TULP3: variants seen among roughly 807,000 people sequenced by gnomAD.
TULP3 encodes the protein tubby-related protein 3.
In TULP3, 38 loss-of-function variants were observed where a neutral mutation model predicts 50.7. That is an observed-to-expected ratio of 0.75 (90% CI 0.58 to 0.98). TULP3 has a LOEUF of 0.98. Among genes scored for constraint, TULP3 ranks in the 50% least tolerant of loss-of-function variants. TULP3 has a pLI of 0.00. For missense variants in TULP3, 550 were observed against 568.0 expected (o/e 0.97, Z 0.32); for synonymous variants, 183 against 196.6 (o/e 0.93, Z 0.58).
At chr12:2,891,337 G>A (rs951459373) in intron 1 of TULP3, among the ~76,000 whole-genome samples, 1 of 151,718 alleles carries the variant, frequency 6.6e-6, no homozygotes, top group African/African-American at 2.4e-5. Flanking sequence ...CCCACTGCCC[G>A]GCGGTGTCAC....
Position 2,913,201 on chromosome 12 carries a change from T to TGTGTG in TULP3, c.93+3621_93+3622insGTGTG, listed in dbSNP as rs1565501058. The stretch of plus-strand genomic sequence containing the variant: ...ACCCTAATGACTAATTATGTTGAGT[T>TGTGTG]TGTGTGTGTGTGTGTGTGTGTATGT... On this transcript the variant is annotated intron_variant, in intron 2 of 10. Transcript: ENST00000448120. 1.8e-3 allele frequency among the ~76,000 whole-genome samples: 270 copies of TGTGTG among 146,570 alleles called. 4 individuals are homozygous for TGTGTG. The highest frequency in any genetic ancestry group is 6.4e-3 in the African/African-American group (252 of 39,344).
At position 2,940,623 on chromosome 12, in the gene TULP3, G is replaced by T; in HGVS notation, c.*1179G>T. 2 of 1,551,732 alleles carry T rather than the reference G, an allele frequency of 1.3e-6. No individual in the cohort carries two copies. Among genetic ancestry groups the T allele is most frequent in the Non-Finnish European group, 1.7e-6 (2 of 1,147,004 alleles). On this transcript the variant is annotated 3_prime_UTR_variant, in exon 11 of 11. Coordinates refer to ENST00000448120, the MANE Select transcript of TULP3 (RefSeq NM_003324.5). ...CTTGTGCACAGAACTGTTTGCCAGC[G>T]TTGGGTGGGACACCCGTGGCGGCTG... is the stretch of plus-strand genomic sequence containing the variant.
chr12:2,907,755 G>C (rs10848732), intron 1 of TULP3, among the ~76,000 whole-genome samples: 72,514 of 151,664 alleles, frequency 0.48, 17,806 homozygotes, highest in African/African-American at 0.6. Context: ...TATTAATGAA[G>C]GATTTTTAAA....
chr12:2,916,207 C>T (rs956603061), intron 2 of TULP3, among the ~76,000 whole-genome samples: 7 of 151,468 alleles, frequency 4.6e-5, no homozygotes, highest in African/African-American at 1.7e-4. Context: ...ATGGGGTTTC[C>T]GGCATGTTGG....
intron 4 of TULP3, among the ~76,000 whole-genome samples, chr12:2,923,989 C>T (rs1483854986): frequency 1.3e-5 from 2 of 151,960 alleles, no homozygotes; most frequent in African/African-American, 4.8e-5. Context: ...TCAACAACAA[C>T]AACAACAGAA....
chr12:2,897,035 G>A (rs1345967823), intron 1 of TULP3, among the ~76,000 whole-genome samples: 1 of 151,726 alleles, frequency 6.6e-6, no homozygotes, highest in Non-Finnish European at 1.5e-5. Flanking sequence ...TTTTTTTGGA[G>A]TCTCGCTCTG....
chr12:2,936,303 A>G (rs1470933690), intron 8 of TULP3, among the ~76,000 whole-genome samples: 3 of 152,272 alleles, frequency 2.0e-5, no homozygotes, highest in Admixed American at 2.0e-4. Flanking sequence ...TTGGCTTGAC[A>G]GGCATTTTTA....
rs1419154012 is a variant in TULP3, at chr12:2,938,272, C to A, written c.1182C>A (p.Val394=). The A allele has an allele frequency of 3.7e-6, 6 of 1,613,574 alleles. No homozygotes were observed. The highest frequency in any genetic ancestry group is 4.2e-6 in the Non-Finnish European group (5 of 1,179,806). The change falls in exon 10 of 11, where the codon GTC becomes GTA. Residue 394 remains valine (V), a synonymous_variant. Coordinates refer to ENST00000448120, the MANE Select transcript of TULP3 (RefSeq NM_003324.5). ...TQASVKNFQI[V]HKNDPDYIVM... ...CGTCTGTGAAGAACTTCCAGATAGT[C>A]CACAAAAATGACCGTAAGCCTCCAG...
At chr12:2,933,353 C>A in intron 6 of TULP3, 65 bp from the exon 7 acceptor site, 1 of 972,048 alleles carries the variant, frequency 1.0e-6, no homozygotes, top group Non-Finnish European at 1.7e-6. Flanking sequence ...TGTAGGACAA[C>A]CATGACCAGA....
At chr12:2,922,136 T>G in intron 3 of TULP3, 126 bp from the exon 4 acceptor site, 4 of 1,149,760 alleles carry the variant, frequency 3.5e-6, no homozygotes, top group Non-Finnish European at 4.9e-6. Flanking sequence ...TTCTTATGGA[T>G]GTTAAGAAAG....
chr12:2,925,922 G>A (rs1160352180), intron 4 of TULP3, among the ~76,000 whole-genome samples: 1 of 152,160 alleles, frequency 6.6e-6, no homozygotes, highest in African/African-American at 2.4e-5. Context: ...CCAGTGCCAG[G>A]TGAGTTAACG....
At chr12:2,898,614 A>G (rs549244079) in intron 1 of TULP3, among the ~76,000 whole-genome samples, 139 of 152,324 alleles carry the variant, frequency 9.1e-4, no homozygotes, top group Middle Eastern at 3.4e-3. Flanking sequence ...GTCTATTTCA[A>G]TAAGACTTTA....
At chr12:2,897,969 T>G (rs1383485280) in intron 1 of TULP3, among the ~76,000 whole-genome samples, 2 of 150,238 alleles carry the variant, frequency 1.3e-5, no homozygotes, top group African/African-American at 4.9e-5. Context: ...TCCCAGCTAC[T>G]TGGGAGGCTG....
rs1163159848 is a variant in TULP3, at chr12:2,939,192, C to T, written c.1196-119C>T. 5 of 1,153,282 alleles carry T rather than the reference C, an allele frequency of 4.3e-6. No individual in the cohort carries two copies. The highest frequency in any genetic ancestry group is 6.2e-6 in the Non-Finnish European group (5 of 806,962). 71.4% of individuals were successfully genotyped at this position (1,153,282 alleles called of 1,614,324 possible). ...GCTGCAGTGAGCTGTGGTCATTCCA[C>T]TAGGCTCCAGCCAGGGCGACAGAGC... On this transcript the variant is annotated intron_variant, in intron 10 of 10. Transcript: ENST00000448120. The surrounding 1 kb of genome is among the most constrained non-coding windows in gnomAD (Gnocchi z 4.0).
chr12:2,929,570 G>C (rs964988607), intron 4 of TULP3, among the ~76,000 whole-genome samples: 2 of 152,020 alleles, frequency 1.3e-5, no homozygotes, highest in Non-Finnish European at 2.9e-5. Flanking sequence ...GTTCAAGCAC[G>C]AGCCACTGTG....
intron 2 of TULP3, 82 bp from the exon 3 acceptor site, chr12:2,920,661 AGATGTTTTGTGAGGATCAGT>A (rs1413787670): frequency 7.2e-7 from 1 of 1,380,756 alleles, no homozygotes; most frequent in Non-Finnish European, 9.9e-7. Context: ...ATAATTTACA[AGATGTTTTGTGAGGATCAGT>A]GAAAAACAAA....
intron 4 of TULP3, among the ~76,000 whole-genome samples, chr12:2,928,445 G>C (rs546621668): frequency 6.6e-6 from 1 of 152,160 alleles, no homozygotes; most frequent in East Asian, 1.9e-4. Context: ...CAGGAGAATC[G>C]CTTGAACCTA....
intron 1 of TULP3, among the ~76,000 whole-genome samples, chr12:2,901,257 G>A (rs1478196813): frequency 6.7e-6 from 1 of 149,562 alleles, no homozygotes; most frequent in Non-Finnish European, 1.5e-5. Flanking sequence ...GGGACCACCG[G>A]AGCGCTCCAC....
intron 1 of TULP3, among the ~76,000 whole-genome samples, chr12:2,903,125 G>A (rs1240339829): frequency 6.6e-6 from 1 of 151,720 alleles, no homozygotes; most frequent in Non-Finnish European, 1.5e-5. Flanking sequence ...GCCTCCCAAA[G>A]TTCTGGAATT....
Sources: gnomAD v4.1 joint callset for allele counts (sites outside exome capture counted in the v4.1 genomes callset) on GRCh38, gnomAD v4.1.1 for gene constraint, Gnocchi (gnomAD v3.1) non-coding constraint, MANE v1.5 for transcripts, NCBI Gene and HGNC (gene_info 2026-07-23, HGNC 2026-07-21) for gene names.